The following DNAH9 variants were observed in gnomAD, a reference collection of about 807,000 sequenced individuals.
The protein encoded by DNAH9 is DNAH9 variant protein.
In DNAH9, 345 loss-of-function variants were observed where a neutral mutation model predicts 471.6. That is an observed-to-expected ratio of 0.73 (90% confidence interval 0.67 to 0.80). The LOEUF (loss-of-function observed/expected upper bound fraction) is 0.80, where lower values mean the gene tolerates loss of function less well. Ranked by LOEUF, DNAH9 falls within the 30% of genes least tolerant of loss-of-function variation. DNAH9 has a pLI of 0.00. For synonymous variants in DNAH9, 2,093 were observed against 2,123.6 expected (o/e 0.99, Z 0.40); for missense variants, 5,407 against 5,609.2 (o/e 0.96, Z 1.15).
chr17:11,968,222 T>C (rs1344858673), intron 68 of DNAH9, among the ~76,000 whole-genome samples: 1 of 152,226 alleles, frequency 6.6e-6, no homozygotes, highest in East Asian at 1.9e-4. Context: ...AGGTTCTACC[T>C]CTGTTCCTAT....
In DNAH9 at chr17:11,811,228, G is replaced by T. The variant is rs147620706; in HGVS notation, c.8707+859G>T. On this transcript the variant is annotated intron_variant, in intron 45 of 68. Coordinates refer to ENST00000262442, the MANE Select transcript of DNAH9 (RefSeq NM_001372.4). ...CTTGGGAGGCTGAGGCAGGAGAATCGCTTGAACCTGGAAGGCGGAGGTTGC... is the reference window on the plus strand; with the variant it reads ...CTTGGGAGGCTGAGGCAGGAGAATCTCTTGAACCTGGAAGGCGGAGGTTGC... Among the ~76,000 whole-genome samples the T allele has an allele frequency of 1.5e-4, 23 of 152,056 alleles. 1 individual carries two copies. The East Asian group carries it at 4.3e-3, about 28-fold the overall frequency.
Position 11,866,454 on chromosome 17 carries a change from CTCAGGGG to C in DNAH9, c.9934-2666_9934-2660del, listed in dbSNP as rs1245599126. 9.9e-5 allele frequency among the ~76,000 whole-genome samples: 15 copies of C among 152,268 alleles called. 1 individual carries two copies. Among genetic ancestry groups the C allele is most frequent in the Admixed American group, 5.2e-4 (8 of 15,288 alleles). ...TGGGGGGTGCCTCCCAGTTAGGCTG[CTCAGGGG>C]TCAGGGGTCAGGGACCCACTTGAGG... is the stretch of plus-strand genomic sequence containing the variant. On this transcript the variant is annotated intron_variant, in intron 50 of 68. Transcript: ENST00000262442.
intron 14 of DNAH9, among the ~76,000 whole-genome samples, chr17:11,660,319 C>CTTTTTTTTTTTTTT (rs1208889792): frequency 1.0e-5 from 1 of 97,508 alleles, no homozygotes; most frequent in East Asian, 3.0e-4. Context: ...TTAAATGTTT[C>CTTTTTTTTTTTTTT]TTTTTTTTTT....
intron 59 of DNAH9, among the ~76,000 whole-genome samples, chr17:11,897,699 C>G (rs575552768): frequency 6.6e-6 from 1 of 152,312 alleles, no homozygotes; most frequent in South Asian, 2.1e-4. Context: ...GACATGTTGT[C>G]TTATTCCTCT....
At chr17:11,951,130 A>C (rs1975347780) in intron 67 of DNAH9, among the ~76,000 whole-genome samples, 1 of 152,188 alleles carries the variant, frequency 6.6e-6, no homozygotes, top group Non-Finnish European at 1.5e-5. Context: ...ATTCAGTAGA[A>C]CTATATTTTG....
chr17:11,762,765 T>TTGTTG, intron 35 of DNAH9, among the ~76,000 whole-genome samples: 1 of 94,652 alleles, frequency 1.1e-5, no homozygotes, highest in East Asian at 2.6e-4. Context: ...TGCGTTTTTT[T>TTGTTG]TTTTGTTTTT....
chr17:11,952,607 G>T (rs1236024168), intron 67 of DNAH9, among the ~76,000 whole-genome samples: 2 of 152,120 alleles, frequency 1.3e-5, no homozygotes, highest in South Asian at 2.1e-4. Context: ...GATTTGCCTT[G>T]TAGCTGTGTT....
Position 11,626,468 on chromosome 17 carries a change from A to G in DNAH9, c.1351-2949A>G, listed in dbSNP as rs1188727326. ...AAATCTTTTCTGCTATGCCTCCAAC[A>G]TCAAACTTATTAAAACCCCTTCAGC... On this transcript the variant is annotated intron_variant, in intron 6 of 68. Coordinates refer to ENST00000262442, the MANE Select transcript of DNAH9 (RefSeq NM_001372.4). This position sits in a 1 kb window ranked among gnomAD's most constrained non-coding sequence, Gnocchi z 4.3. 3.3e-5 allele frequency among the ~76,000 whole-genome samples: 5 copies of G among 152,326 alleles called. No homozygotes were observed. The South Asian group carries it at 1.0e-3, about 32-fold the overall frequency.
intron 22 of DNAH9, among the ~76,000 whole-genome samples, chr17:11,696,842 A>AT (rs1309341962): frequency 6.6e-6 from 1 of 152,032 alleles, no homozygotes; most frequent in African/African-American, 2.4e-5. Context: ...TCACTGCCAG[A>AT]TTTTTTTATA....
chr17:11,892,662 T>C lies in DNAH9; in HGVS notation c.11283+715T>C, dbSNP rs1392709019. On this transcript the variant is annotated intron_variant, in intron 58 of 68. Transcript: ENST00000262442. This position sits in a 1 kb window ranked among gnomAD's most constrained non-coding sequence, Gnocchi z 4.3. ...ACCTCCCCAGTTCAAGTGATTCTCC[T>C]GCCTCAGGCTCCCGTGTAGCTGGGA... Among the ~76,000 whole-genome samples, 1 of 152,148 alleles carries C rather than the reference T, an allele frequency of 6.6e-6. No individual in the cohort carries two copies. The highest frequency in any genetic ancestry group is 1.9e-4 in the East Asian group (1 of 5,190).
chr17:11,782,105 T>C (rs750258727), intron 39 of DNAH9, among the ~76,000 whole-genome samples: 1 of 152,166 alleles, frequency 6.6e-6, no homozygotes, highest in Non-Finnish European at 1.5e-5. Context: ...AGAAGAATGT[T>C]AGTTAAGATG....
At chr17:11,863,714 A>G (rs981015251) in intron 50 of DNAH9, among the ~76,000 whole-genome samples, 1 of 150,640 alleles carries the variant, frequency 6.6e-6, no homozygotes, top group African/African-American at 2.4e-5. Flanking sequence ...TTATTGGTCT[A>G]TTCAGAGATT....
intron 61 of DNAH9, among the ~76,000 whole-genome samples, chr17:11,920,035 C>CTTCCTTT (rs1555621040): frequency 9.5e-4 from 129 of 135,952 alleles, no homozygotes; most frequent in Non-Finnish European, 1.2e-3. Flanking sequence ...TAAGTTCTTT[C>CTTCCTTT]TTTTTTTTTT....
chr17:11,762,784 T>TG (rs1228231858), intron 35 of DNAH9, among the ~76,000 whole-genome samples: 43 of 135,260 alleles, frequency 3.2e-4, no homozygotes, highest in South Asian at 2.1e-3. Context: ...TTTTTTTTTT[T>TG]TTTTTTTTTT....
chr17:11,867,124 G>A (rs954731982), intron 50 of DNAH9, among the ~76,000 whole-genome samples: 4 of 152,230 alleles, frequency 2.6e-5, no homozygotes, highest in Non-Finnish European at 5.9e-5. Flanking sequence ...GCTAACGCTG[G>A]GAGCTGGAGA....
chr17:11,933,925 G>A lies in DNAH9; in HGVS notation c.12343G>A (p.Gly4115Arg). The A allele has an allele frequency of 6.2e-7, 1 of 1,614,152 alleles. No homozygotes were observed. Among genetic ancestry groups the A allele is most frequent in the Non-Finnish European group, 8.5e-7 (1 of 1,180,030 alleles). The stretch of plus-strand genomic sequence containing the variant: ...CTACCTGTTTGGAGAGATCATGTAT[G>A]GAGGCCATATCACAGATGACTGGGA... ...LRYLFGEIMY[G>R]GHITDDWDRR... The change falls in exon 65 of 69, where the codon GGA (glycine) becomes AGA (arginine). Residue 4115 changes from glycine (G) to arginine (R), a missense_variant. Gly to Arg is a moderately radical substitution (Grantham distance 125). Coordinates refer to ENST00000262442, the MANE Select transcript of DNAH9 (RefSeq NM_001372.4).
intron 49 of DNAH9, among the ~76,000 whole-genome samples, chr17:11,849,447 T>G (rs1971336022): frequency 6.6e-6 from 1 of 152,198 alleles, no homozygotes; most frequent in African/African-American, 2.4e-5. Flanking sequence ...TCCCATGGCC[T>G]CCGGAGCCTC....
intron 14 of DNAH9, among the ~76,000 whole-genome samples, chr17:11,662,293 T>C (rs1304207709): frequency 1.3e-5 from 2 of 152,190 alleles, no homozygotes. Context: ...TGGTCGTCAT[T>C]GTGTTCTTCA....
At chr17:11,603,446 A>C (rs895953616) in intron 1 of DNAH9, among the ~76,000 whole-genome samples, 4 of 152,178 alleles carry the variant, frequency 2.6e-5, no homozygotes, top group Admixed American at 6.5e-5. Context: ...TGACTGCAGC[A>C]TCTCTCCTTG....
Sources: gnomAD v4.1 joint callset for allele counts (sites outside exome capture counted in the v4.1 genomes callset) on GRCh38, gnomAD v4.1.1 for gene constraint, Gnocchi (gnomAD v3.1) non-coding constraint, MANE v1.5 for transcripts, NCBI Gene and HGNC (gene_info 2026-07-23, HGNC 2026-07-21) for gene names.